The following KCNJ6 variants were observed in gnomAD, a reference collection of about 807,000 sequenced individuals.
KCNJ6 encodes the protein G protein-activated inward rectifier potassium channel 2.
A neutral mutation model predicts 34.2 loss-of-function variants in KCNJ6; 9 were observed. That is an observed-to-expected ratio of 0.26 (90% CI 0.16 to 0.46). The LOEUF (loss-of-function observed/expected upper bound fraction) is 0.46, where lower values mean the gene tolerates loss of function less well. Ranked by LOEUF, KCNJ6 falls within the 20% of genes least tolerant of loss-of-function variation. The pLI is 1.00. For missense variants in KCNJ6, 236 were observed against 531.3 expected, an observed-to-expected ratio of 0.44 and a Z score of 5.46; for synonymous variants, 196 against 207.1, an observed-to-expected ratio of 0.95 and a Z score of 0.46.
At chr21:37,741,850 C>T (rs2054942816) in intron 2 of KCNJ6, among the ~76,000 whole-genome samples, 1 of 152,228 alleles carries the variant, frequency 6.6e-6, no homozygotes, top group Non-Finnish European at 1.5e-5. Flanking sequence ...CTCATGGTCC[C>T]TCTTTGCTGT....
chr21:37,747,890 A>G (rs2054975429), intron 2 of KCNJ6, among the ~76,000 whole-genome samples: 1 of 152,204 alleles, frequency 6.6e-6, no homozygotes, highest in East Asian at 1.9e-4. Context: ...TAAGCCTCCA[A>G]GTTTATCGTA....
At chr21:37,634,735 A>G (rs547820485) in intron 3 of KCNJ6, among the ~76,000 whole-genome samples, 3 of 151,256 alleles carry the variant, frequency 2.0e-5, no homozygotes, top group African/African-American at 7.3e-5. Context: ...AGTGAATAAT[A>G]TAGTATTTAG....
intron 3 of KCNJ6, among the ~76,000 whole-genome samples, chr21:37,651,872 T>A (rs556020206): frequency 7.2e-4 from 109 of 152,352 alleles, no homozygotes; most frequent in African/African-American, 2.6e-3. Context: ...CTAGTTCACA[T>A]GTCAACTTCA....
chr21:37,659,968 CAAAGTTAAAAAGAA>C (rs1300152136), intron 3 of KCNJ6, among the ~76,000 whole-genome samples: 5 of 152,180 alleles, frequency 3.3e-5, no homozygotes, highest in Admixed American at 2.0e-4. Context: ...CTGCACATGA[CAAAGTTAAAAAGAA>C]AGGGAAGTGT....
chr21:37,904,605 A>G (rs1181367931), intron 1 of KCNJ6, among the ~76,000 whole-genome samples: 4 of 152,108 alleles, frequency 2.6e-5, no homozygotes, highest in African/African-American at 7.2e-5. Flanking sequence ...TTTTTTTACT[A>G]TAGACTCCTT....
At chr21:37,664,684 G>T (rs2054505475) in intron 3 of KCNJ6, among the ~76,000 whole-genome samples, 1 of 151,534 alleles carries the variant, frequency 6.6e-6, no homozygotes, top group Non-Finnish European at 1.5e-5. Flanking sequence ...GTAGTTAAAA[G>T]AGTTCATAGA....
At chr21:37,843,795 T>C (rs1485524212) in intron 1 of KCNJ6, among the ~76,000 whole-genome samples, 1 of 152,172 alleles carries the variant, frequency 6.6e-6, no homozygotes. Flanking sequence ...CTCTTTCCCT[T>C]ATCCACAACC....
chr21:37,657,839 A>C (rs1283622073), intron 3 of KCNJ6, among the ~76,000 whole-genome samples: 1 of 152,186 alleles, frequency 6.6e-6, no homozygotes, highest in Non-Finnish European at 1.5e-5. Flanking sequence ...CCATGAAGGG[A>C]ATTTTCTGGG....
intron 3 of KCNJ6, among the ~76,000 whole-genome samples, chr21:37,634,431 A>G (rs2054347835): frequency 6.6e-6 from 1 of 152,218 alleles, no homozygotes; most frequent in Non-Finnish European, 1.5e-5. Flanking sequence ...AGCCTGCAGA[A>G]TCAAGAACCA....
chr21:37,849,656 C>T (rs1288501913), intron 1 of KCNJ6, among the ~76,000 whole-genome samples: 1 of 152,134 alleles, frequency 6.6e-6, no homozygotes, highest in Non-Finnish European at 1.5e-5. Context: ...TGCTCCTGCC[C>T]GACAAGCCCC....
intron 2 of KCNJ6, among the ~76,000 whole-genome samples, chr21:37,825,695 G>A (rs193000246): frequency 1.5e-4 from 23 of 152,230 alleles, no homozygotes; most frequent in Non-Finnish European, 1.5e-5. Flanking sequence ...ACCCAAGACT[G>A]GGTAATTTAT....
At chr21:37,721,037 A>G (rs1466612580) in intron 2 of KCNJ6, among the ~76,000 whole-genome samples, 1 of 152,178 alleles carries the variant, frequency 6.6e-6, no homozygotes, top group Non-Finnish European at 1.5e-5. Context: ...TACATCTGAT[A>G]AGGGACTGGG....
At chr21:37,635,753 T>C (rs952554409) in intron 3 of KCNJ6, among the ~76,000 whole-genome samples, 2 of 151,256 alleles carry the variant, frequency 1.3e-5, no homozygotes, top group African/African-American at 4.9e-5. Flanking sequence ...CCAAGCTCAA[T>C]TGATCTGTCT....
intron 2 of KCNJ6, among the ~76,000 whole-genome samples, chr21:37,736,876 C>A (rs1205012433): frequency 6.6e-6 from 1 of 152,192 alleles, no homozygotes; most frequent in Non-Finnish European, 1.5e-5. Flanking sequence ...TTCACGGTCA[C>A]CCTCCTGGAG....
chr21:37,670,291 A>C (rs2054535570), intron 3 of KCNJ6, among the ~76,000 whole-genome samples: 1 of 152,170 alleles, frequency 6.6e-6, no homozygotes, highest in South Asian at 2.1e-4. Flanking sequence ...TTTTGAAATG[A>C]GGAAGTGTGA....
At chr21:37,625,894 T>A (rs568346415) in intron 3 of KCNJ6, among the ~76,000 whole-genome samples, 68 of 152,330 alleles carry the variant, frequency 4.5e-4, no homozygotes, top group African/African-American at 1.5e-3. Flanking sequence ...GGATTTGAGC[T>A]CTTTGGCCAC....
At chr21:37,749,543 G>A (rs764984740) in intron 2 of KCNJ6, among the ~76,000 whole-genome samples, 4 of 152,194 alleles carry the variant, frequency 2.6e-5, no homozygotes, top group Non-Finnish European at 5.9e-5. Flanking sequence ...CTGCCATGGA[G>A]ACAAAGTGCC....
In KCNJ6 at chr21:37,614,511, T is replaced by C. The variant is rs1247112461; in HGVS notation, c.*10648A>G. On this transcript the variant is annotated 3_prime_UTR_variant, in exon 4 of 4. Transcript: ENST00000609713. ...CTGTGTGCGTGTATGCATGTGTCTC[T>C]GTATGCATGTGTGTATGCATGTCTC... 1 of 142,584 alleles carries C rather than the reference T, an allele frequency of 7.0e-6. No individual in the cohort carries two copies. The highest frequency in any genetic ancestry group is 2.7e-5 in the African/African-American group (1 of 36,678). The allele number at this position is 142,584 out of a possible 1,614,324, so 8.8% of individuals were successfully genotyped here.
chr21:37,620,618 C>A lies in KCNJ6; in HGVS notation c.*4541G>T, dbSNP rs1040274725. 2 of 151,916 alleles carry A rather than the reference C, an allele frequency of 1.3e-5. No homozygotes were observed. Among genetic ancestry groups the A allele is most frequent in the Non-Finnish European group, 2.9e-5 (2 of 68,008 alleles). 9.4% of individuals were successfully genotyped at this position (151,916 alleles called of 1,614,324 possible). ...AGCCCACAGCTTAGGGCCCTGTGAC[C>A]TGGATTTGAGACAAGGAGCTATGAT... is the stretch of plus-strand genomic sequence containing the variant. On this transcript the variant is annotated 3_prime_UTR_variant, in exon 4 of 4. Transcript: ENST00000609713.
Sources: gnomAD v4.1 joint callset for allele counts (sites outside exome capture counted in the v4.1 genomes callset) on GRCh38, gnomAD v4.1.1 for gene constraint, MANE v1.5 for transcripts, NCBI Gene and HGNC (gene_info 2026-07-23, HGNC 2026-07-21) for gene names.